KDM1A: variants seen among roughly 807,000 people sequenced by gnomAD.
KDM1A encodes lysine demethylase 1A, also known as lysine-specific histone demethylase 1A.
Under a neutral mutation model 109.4 loss-of-function variants are expected in KDM1A, and 49 were observed. The observed-to-expected ratio is 0.45, with a 90% CI of 0.36 to 0.57. KDM1A has a LOEUF of 0.57. KDM1A is among the 20% of genes least tolerant of loss of function. KDM1A has a pLI of 0.00. For missense variants in KDM1A, 668 were observed against 1,116.6 expected (o/e 0.60, Z 5.73); for synonymous variants, 380 against 415.4 (o/e 0.91, Z 1.04).
intron 9 of KDM1A, among the ~76,000 whole-genome samples, chr1:23,059,638 A>G (rs778462516): frequency 1.3e-5 from 2 of 152,202 alleles, no homozygotes; most frequent in Non-Finnish European, 2.9e-5. Flanking sequence ...AGGCTAAAGT[A>G]TTTATTGACC....
chr1:23,060,255 CT>C (rs1642961227), intron 9 of KDM1A, among the ~76,000 whole-genome samples: 1 of 152,174 alleles, frequency 6.6e-6, no homozygotes. Context: ...AAGGTAGTCC[CT>C]GCTATAGTGG....
At chr1:23,032,467 A>G (rs1642013746) in intron 2 of KDM1A, among the ~76,000 whole-genome samples, 1 of 151,582 alleles carries the variant, frequency 6.6e-6, no homozygotes, top group African/African-American at 2.4e-5. Context: ...GTTGTAGTTA[A>G]TTATAATGCA....
At chr1:23,063,211 GT>G (rs1643057560) in intron 9 of KDM1A, among the ~76,000 whole-genome samples, 22 of 51,466 alleles carry the variant, frequency 4.3e-4, no homozygotes, top group Non-Finnish European at 5.7e-4. Context: ...GGGGGGTGTG[GT>G]GTGGGGTGGG....
chr1:23,073,396 G>A lies in KDM1A; in HGVS notation c.1727G>A (p.Trp576Ter). ...TPLSTLSLKHWDQDDDFEFTG... is the reference protein window; with the variant it reads ...TPLSTLSLKH ...CTCTCAACTCTCTCCCTTAAGCACT[G>A]GGATCAGGTAAGTTTCCCTTATTGT... Residue 576 changes from tryptophan (W) to a stop codon, truncating the protein, a stop_gained, in exon 15 of 21, where the codon TGG becomes TAG. Coordinates refer to ENST00000400181, the MANE Select transcript of KDM1A (RefSeq NM_001009999.3). LOFTEE classifies it high-confidence loss of function. 2 of 1,580,028 alleles carry A rather than the reference G, an allele frequency of 1.3e-6. No homozygotes were observed. Among genetic ancestry groups the A allele is most frequent in the South Asian group, 1.1e-5 (1 of 90,286 alleles).
chr1:23,031,816 G>A (rs1641990481), intron 2 of KDM1A, among the ~76,000 whole-genome samples: 1 of 152,038 alleles, frequency 6.6e-6, no homozygotes, highest in Admixed American at 6.6e-5. Flanking sequence ...CAAAAGTCAG[G>A]GATTTTCTAA....
intron 19 of KDM1A, chr1:23,081,994 C>CGGTGGTCG: frequency 2.1e-6 from 1 of 485,978 alleles, no homozygotes; most frequent in African/African-American, 2.3e-5. Context: ...GTGTAGATCT[C>CGGTGGTCG]TGGATTCATA....
At chr1:23,032,177 CT>C (rs1642003601) in intron 2 of KDM1A, among the ~76,000 whole-genome samples, 3 of 152,094 alleles carry the variant, frequency 2.0e-5, no homozygotes, top group Non-Finnish European at 4.4e-5. Context: ...GGGCTGACTT[CT>C]TAGTTCAAGG....
intron 1 of KDM1A, among the ~76,000 whole-genome samples, chr1:23,021,842 C>T (rs1355856911): frequency 6.6e-6 from 1 of 152,178 alleles, no homozygotes; most frequent in Non-Finnish European, 1.5e-5. Flanking sequence ...AGTCACTCCC[C>T]AGTCCTCCCT....
chr1:23,057,917 T>G (rs1642883283), intron 8 of KDM1A: 1 of 161,198 alleles, frequency 6.2e-6, no homozygotes, highest in Non-Finnish European at 1.3e-5. Context: ...TAGCTAAGAC[T>G]ACAGGCACAC....
At chr1:23,057,422 ACTATGC>A in intron 7 of KDM1A, 56 bp from the exon 8 acceptor site, 2 of 1,213,658 alleles carry the variant, frequency 1.6e-6, no homozygotes, top group South Asian at 2.4e-5. Flanking sequence ...GTGGTATGGT[ACTATGC>A]CAGGTTTGTG....
intron 2 of KDM1A, among the ~76,000 whole-genome samples, chr1:23,039,509 C>G (rs749758743): frequency 8.5e-5 from 13 of 152,138 alleles, no homozygotes; most frequent in Non-Finnish European, 1.6e-4. Context: ...TGTCTTTGTG[C>G]CAAAGATCAC....
At chr1:23,053,687 A>G in intron 4 of KDM1A, 74 bp from the exon 5 acceptor site, 1 of 1,038,508 alleles carries the variant, frequency 9.6e-7, no homozygotes, top group Non-Finnish European at 1.5e-6. Flanking sequence ...CAGCCAGCTA[A>G]AAGATGATTT....
intron 2 of KDM1A, among the ~76,000 whole-genome samples, chr1:23,041,635 G>A (rs7519326): frequency 0.017 from 2,610 of 151,416 alleles, 85 homozygotes; most frequent in African/African-American, 0.059. Context: ...TAGAGACAGC[G>A]TTTCACCATG....
intron 4 of KDM1A, 62 bp from the exon 5 acceptor site, chr1:23,053,699 A>T: frequency 8.7e-7 from 1 of 1,153,208 alleles, no homozygotes; most frequent in Non-Finnish European, 1.3e-6. Flanking sequence ...AGATGATTTT[A>T]AAGATAGTCA....
intron 15 of KDM1A, among the ~76,000 whole-genome samples, chr1:23,073,870 A>G (rs543761413): frequency 9.8e-5 from 15 of 152,318 alleles, no homozygotes; most frequent in South Asian, 2.1e-4. Context: ...ATTTAATAGA[A>G]TTCCATTGTG....
chr1:23,072,240 T>C, intron 14 of KDM1A, 43 bp downstream of exon 14: 1 of 1,382,666 alleles, frequency 7.2e-7, no homozygotes. Context: ...GAGCTTTTAC[T>C]GTTCTTTCAG....
chr1:23,049,698 A>C (rs78340593), intron 3 of KDM1A, among the ~76,000 whole-genome samples: 2 of 152,134 alleles, frequency 1.3e-5, no homozygotes, highest in African/African-American at 4.8e-5. Context: ...AAAAAAAAAA[A>C]AGAGAAGAAC....
intron 9 of KDM1A, among the ~76,000 whole-genome samples, chr1:23,061,975 C>G (rs1643014241): frequency 1.3e-5 from 2 of 152,100 alleles, no homozygotes; most frequent in South Asian, 4.1e-4. Context: ...AGCTTTTGAA[C>G]AAGCTTAAAG....
intron 9 of KDM1A, among the ~76,000 whole-genome samples, chr1:23,063,298 T>G (rs1643070270): frequency 6.7e-6 from 1 of 149,166 alleles, no homozygotes; most frequent in South Asian, 2.1e-4. Context: ...TTTGAGAAAC[T>G]GAGCCTTGAT....
Sources: gnomAD v4.1 joint callset for allele counts (sites outside exome capture counted in the v4.1 genomes callset) on GRCh38, gnomAD v4.1.1 for gene constraint, MANE v1.5 for transcripts, NCBI Gene and HGNC (gene_info 2026-07-23, HGNC 2026-07-21) for gene names.